Variants in JMJD1C observed in about 807,000 individuals in gnomAD.
JMJD1C encodes jumonji domain containing 1C.
JMJD1C carries 31 observed loss-of-function variants against 245.3 expected under a neutral mutation model. The observed-to-expected ratio is 0.13, with a 90% confidence interval of 0.09 to 0.17. The LOEUF is 0.17. Among genes scored for constraint, JMJD1C ranks in the 10% least tolerant of loss-of-function variants. The probability of loss-of-function intolerance (pLI) is 1.00; values close to 1 mark genes in which losing one functional copy is unlikely to be tolerated. For synonymous variants in JMJD1C, 1,057 were observed against 1,017.4 expected (o/e 1.04, Z -0.74); for missense variants, 2,691 against 3,000.2 (o/e 0.90, Z 2.41).
chr10:63,233,032 C>T (rs1850208263), intron 3 of JMJD1C, among the ~76,000 whole-genome samples: 1 of 152,150 alleles, frequency 6.6e-6, no homozygotes, highest in Non-Finnish European at 1.5e-5. Context: ...TCTAATTCCA[C>T]TGAATATTTT....
chr10:63,346,315 G>C (rs1943814059), intron 2 of JMJD1C, among the ~76,000 whole-genome samples: 2 of 152,190 alleles, frequency 1.3e-5, no homozygotes, highest in African/African-American at 4.8e-5. Flanking sequence ...GGAAACATAA[G>C]ATAAATGAAG....
At position 63,193,048 on chromosome 10, in the gene JMJD1C, C is replaced by G. The variant is rs539580226; in HGVS notation, c.5966G>C (p.Ser1989Thr). 6.2e-7 allele frequency: 1 copy of G among 1,614,070 alleles called. No individual in the cohort carries two copies. The highest frequency in any genetic ancestry group is 8.5e-7 in the Non-Finnish European group (1 of 1,179,958). ...PPKSEKNGGS[S>T]PESDVGTDNK... is the part of the protein sequence containing the mutation. Reference sequence around the variant, plus strand: ...ATCTGTGCCTACATCACTCTCTGGGCTGCTGCCACCATTTTTCTCAGACTT... The same window carrying G: ...ATCTGTGCCTACATCACTCTCTGGGGTGCTGCCACCATTTTTCTCAGACTT... Residue 1989 changes from serine to threonine, a missense_variant, in exon 16 of 26, where the codon AGC becomes ACC. By Grantham distance (58) the Ser-to-Thr change is moderately conservative. Transcript: ENST00000399262.
In JMJD1C at chr10:63,425,603, G is replaced by A. The variant is rs542864446; in HGVS notation, c.168+39892C>T. 3.3e-5 allele frequency among the ~76,000 whole-genome samples: 5 copies of A among 152,062 alleles called. 1 individual carries two copies. Among genetic ancestry groups the A allele is most frequent in the South Asian group, 2.1e-4 (1 of 4,808 alleles). ...TCAAGACCAGGGTGGGTAACATGGCGAGATCCCATCTCTACAAAAAATAAA... is the reference window on the plus strand; with the variant it reads ...TCAAGACCAGGGTGGGTAACATGGCAAGATCCCATCTCTACAAAAAATAAA... On this transcript the variant is annotated intron_variant, in intron 1 of 25. Transcript: ENST00000399262.
At chr10:63,377,656 A>G (rs1946855446) in intron 2 of JMJD1C, among the ~76,000 whole-genome samples, 1 of 151,550 alleles carries the variant, frequency 6.6e-6, no homozygotes, top group Admixed American at 6.6e-5. Context: ...AATTGCTTGA[A>G]CCCGGGAGGC....
chr10:63,340,404 CTG>C (rs147751736), intron 2 of JMJD1C, among the ~76,000 whole-genome samples: 1 of 152,092 alleles, frequency 6.6e-6, no homozygotes, highest in African/African-American at 2.4e-5. Context: ...GCATTGCTCA[CTG>C]TGTGTGTGTG....
intron 1 of JMJD1C, among the ~76,000 whole-genome samples, chr10:63,451,054 C>G (rs1952036179): frequency 6.6e-6 from 1 of 151,860 alleles, no homozygotes; most frequent in Admixed American, 6.6e-5. Context: ...TAAAGCAATT[C>G]CATTTACAGT....
intron 1 of JMJD1C, among the ~76,000 whole-genome samples, chr10:63,491,537 G>A (rs1239943496): frequency 6.6e-6 from 1 of 152,132 alleles, no homozygotes; most frequent in Non-Finnish European, 1.5e-5. Flanking sequence ...ATGAAGAAAA[G>A]GAAAATCTTC....
rs957145359 is a variant in JMJD1C at position 63,200,557 on chromosome 10, C to T, written c.5195G>A (p.Arg1732Gln). Residue 1732 changes from arginine (R) to glutamine (Q), a missense_variant, in exon 11 of 26, where the codon CGA becomes CAA. Transcript: ENST00000399262. ...CEIGPNLQKC[R>Q]ECRLIRSKKG... ...TTTACTGCGAATAAGTCTACATTCT[C>T]GACACTTTTGTAAATTAGGCCCTAT... The T allele has an allele frequency of 6.2e-6, 10 of 1,613,908 alleles. No individual in the cohort carries two copies. Among genetic ancestry groups the T allele is most frequent in the African/African-American group, 2.7e-5 (2 of 75,010 alleles).
chr10:63,349,386 C>A (rs955487380), intron 2 of JMJD1C, among the ~76,000 whole-genome samples: 1 of 152,170 alleles, frequency 6.6e-6, no homozygotes, highest in South Asian at 2.1e-4. Context: ...GTTATCGATA[C>A]CAGTTTTGCG....
At chr10:63,399,858 G>A (rs1465955465) in intron 1 of JMJD1C, among the ~76,000 whole-genome samples, 1 of 150,690 alleles carries the variant, frequency 6.6e-6, no homozygotes, top group Non-Finnish European at 1.5e-5. Context: ...AGAAAACAAG[G>A]TATATTCGGA....
intron 2 of JMJD1C, among the ~76,000 whole-genome samples, chr10:63,326,803 C>T (rs1456789122): frequency 1.3e-5 from 2 of 152,136 alleles, no homozygotes; most frequent in African/African-American, 2.4e-5. Context: ...TGCTTGAACC[C>T]AGGAAGCAGA....
rs139485237 is a variant in JMJD1C, at chr10:63,403,559, C to T, written c.169-23077G>A. Among the ~76,000 whole-genome samples, 489 of 152,306 alleles carry T rather than the reference C, an allele frequency of 3.2e-3. 2 individuals are homozygous for T. The highest frequency in any genetic ancestry group is 0.011 in the African/African-American group (474 of 41,572). On this transcript the variant is annotated intron_variant, in intron 1 of 25. Coordinates refer to ENST00000399262, the MANE Select transcript of JMJD1C (RefSeq NM_032776.3). ...CTGTTTTAAGGATTAAGCATGACAA[C>T]AAAAGGACTTAACAAAGTAACCAAC...
Position 63,358,691 on chromosome 10 carries a change from T to G in JMJD1C, c.333+21627A>C, listed in dbSNP as rs527869502. 2 of 152,196 alleles carry G rather than the reference T, an allele frequency of 1.3e-5. 1 individual carries two copies. Among genetic ancestry groups the G allele is most frequent in the South Asian group, 4.2e-4 (2 of 4,814 alleles). 9.4% of individuals were successfully genotyped at this position (152,196 alleles called of 1,614,324 possible). On this transcript the variant is annotated intron_variant, in intron 2 of 25. Coordinates refer to ENST00000399262, the MANE Select transcript of JMJD1C (RefSeq NM_032776.3). ...AAAAAGCTGTATAAAAGTTTGAACATATGGCAGTAGAAGAGTGGGGTGGGG... is the reference window on the plus strand; with the variant it reads ...AAAAAGCTGTATAAAAGTTTGAACAGATGGCAGTAGAAGAGTGGGGTGGGG...
chr10:63,167,883 C>T lies in JMJD1C; in HGVS notation c.*162G>A. ...TAACATTGAATCACAGGAGCTGTGA[C>T]ATATGCTATACTGCTGTGGTGTCAG... On this transcript the variant is annotated 3_prime_UTR_variant, in exon 26 of 26. Coordinates refer to ENST00000399262, the MANE Select transcript of JMJD1C (RefSeq NM_032776.3). 1.8e-6 allele frequency: 1 copy of T among 542,246 alleles called. No individual in the cohort carries two copies. The highest frequency in any genetic ancestry group is 3.3e-6 in the Non-Finnish European group (1 of 303,382). 33.6% of individuals were successfully genotyped at this position (542,246 alleles called of 1,614,324 possible).
At chr10:63,315,854 A>C (rs998613609) in intron 2 of JMJD1C, among the ~76,000 whole-genome samples, 22 of 149,278 alleles carry the variant, frequency 1.5e-4, no homozygotes, top group Admixed American at 6.0e-4. Context: ...AAAAAAAAAA[A>C]CACCACGAAA....
chr10:63,402,436 ATACC>A (rs1948924351), intron 1 of JMJD1C, among the ~76,000 whole-genome samples: 2 of 152,174 alleles, frequency 1.3e-5, no homozygotes, highest in African/African-American at 4.8e-5. Context: ...CAGAAGCTTA[ATACC>A]TGATGATATG....
chr10:63,465,558 T>C lies in JMJD1C; in HGVS notation c.105A>G (p.Arg35=). ...CTCGGATGACCCCCGCTCGCCAGCT[T>C]CGCCAGCCGCGTCCGCTCTCCCAGC... ...SERWESGRGW[R]SWRAGVIRAV... is the part of the protein sequence containing the mutation. The change falls in exon 1 of 26, where the codon CGA becomes CGG. Residue 35 remains arginine, a synonymous_variant. Coordinates refer to ENST00000399262, the MANE Select transcript of JMJD1C (RefSeq NM_032776.3). The C allele has an allele frequency of 6.2e-7, 1 of 1,603,648 alleles. No individual in the cohort carries two copies. The highest frequency in any genetic ancestry group is 1.3e-5 in the African/African-American group (1 of 75,002).
chr10:63,233,614 T>C (rs1332829416), intron 3 of JMJD1C, among the ~76,000 whole-genome samples: 1 of 151,902 alleles, frequency 6.6e-6, no homozygotes, highest in African/African-American at 2.4e-5. Flanking sequence ...GATACAGCCT[T>C]AAAAATATTT....
chr10:63,249,570 T>TA (rs1379277051), intron 3 of JMJD1C, among the ~76,000 whole-genome samples: 1 of 152,058 alleles, frequency 6.6e-6, no homozygotes, highest in Admixed American at 6.6e-5. Flanking sequence ...AAAGAAAAGA[T>TA]AAATATTGGG....
Sources: gnomAD v4.1 joint callset for allele counts (sites outside exome capture counted in the v4.1 genomes callset) on GRCh38, gnomAD v4.1.1 for gene constraint, MANE v1.5 for transcripts, NCBI Gene and HGNC (gene_info 2026-07-23, HGNC 2026-07-21) for gene names.